The following NAALADL2 variants were observed in gnomAD, a reference collection of about 807,000 sequenced individuals.
NAALADL2 encodes inactive N-acetylated-alpha-linked acidic dipeptidase-like protein 2.
A neutral mutation model predicts 87.2 loss-of-function variants in NAALADL2; 76 were observed. The ratio of observed to expected loss-of-function variants is 0.87; its 90% CI spans 0.72 to 1.05. NAALADL2 has a LOEUF of 1.05. NAALADL2 is among the 50% of genes least tolerant of loss of function. The pLI, the probability that NAALADL2 is intolerant of heterozygous loss-of-function variation, is 0.00. For synonymous variants in NAALADL2, 354 were observed against 331.0 expected (o/e 1.07, Z -0.75); for missense variants, 1,089 against 945.8 (o/e 1.15, Z -1.99).
chr3:174,759,546 T>A (rs928747237), intron 3 of NAALADL2, among the ~76,000 whole-genome samples: 1 of 152,186 alleles, frequency 6.6e-6, no homozygotes, highest in Non-Finnish European at 1.5e-5. Flanking sequence ...TTATTTGTAT[T>A]ATACACTTTG....
chr3:175,428,849 C>T (rs528340994), intron 5 of NAALADL2, among the ~76,000 whole-genome samples: 4 of 152,042 alleles, frequency 2.6e-5, no homozygotes, highest in East Asian at 3.9e-4. Context: ...AGTGTTTGCT[C>T]TTGTTGATTT....
chr3:175,237,165 T>C (rs1461387470), intron 3 of NAALADL2, among the ~76,000 whole-genome samples: 1 of 152,160 alleles, frequency 6.6e-6, no homozygotes, highest in Non-Finnish European at 1.5e-5. Flanking sequence ...CAAAATTCTA[T>C]AGCTTCAACC....
chr3:175,415,742 A>ATAAG (rs1173904092), intron 5 of NAALADL2, among the ~76,000 whole-genome samples: 1 of 151,990 alleles, frequency 6.6e-6, no homozygotes, highest in African/African-American at 2.4e-5. Context: ...TATTAATATT[A>ATAAG]TAAGTAACTG....
At position 174,839,246 on chromosome 3, in the gene NAALADL2, G is replaced by T. The variant is rs146241888; in HGVS notation, c.-9+101500G>T. ...CAAACAAAAACATAAAGTGGGCAAAGGGCACCCTATTCAACAAATGGTACT... is the reference window on the plus strand; with the variant it reads ...CAAACAAAAACATAAAGTGGGCAAATGGCACCCTATTCAACAAATGGTACT... On this transcript the variant is annotated intron_variant, in intron 3 of 3. Transcript: ENST00000434257. Among the ~76,000 whole-genome samples, 56 of 152,224 alleles carry T rather than the reference G, an allele frequency of 3.7e-4. 1 individual carries two copies. The highest frequency in any genetic ancestry group is 1.3e-3 in the African/African-American group (53 of 41,528).
intron 2 of NAALADL2, among the ~76,000 whole-genome samples, chr3:174,673,174 T>C (rs1257728926): frequency 6.6e-6 from 1 of 152,092 alleles, no homozygotes; most frequent in African/African-American, 2.4e-5. Context: ...ATTCAAAAGG[T>C]ATTCACTAAA....
intron 1 of NAALADL2, among the ~76,000 whole-genome samples, chr3:174,521,325 C>T (rs1277911738): frequency 3.3e-5 from 5 of 151,712 alleles, no homozygotes; most frequent in Non-Finnish European, 7.4e-5. Flanking sequence ...ATAAAATGTT[C>T]GGGGCCGAGG....
intron 4 of NAALADL2, among the ~76,000 whole-genome samples, chr3:175,280,021 T>A (rs559789517): frequency 2.3e-5 from 3 of 132,844 alleles, no homozygotes; most frequent in Non-Finnish European, 4.8e-5. Flanking sequence ...GTCTTTTCCT[T>A]TCACTCCACT....
intron 2 of NAALADL2, among the ~76,000 whole-genome samples, chr3:175,119,831 G>A (rs1725875752): frequency 6.9e-6 from 1 of 144,396 alleles, no homozygotes; most frequent in Admixed American, 7.0e-5. Flanking sequence ...ATATATATAA[G>A]ATGTATATGA....
At chr3:174,480,228 T>C (rs1261427268) in intron 1 of NAALADL2, among the ~76,000 whole-genome samples, 1 of 152,096 alleles carries the variant, frequency 6.6e-6, no homozygotes, top group Non-Finnish European at 1.5e-5. Context: ...AAAAATACAT[T>C]TGTCTGCCTG....
chr3:174,671,832 T>G (rs1468819830), intron 2 of NAALADL2, among the ~76,000 whole-genome samples: 1 of 152,030 alleles, frequency 6.6e-6, no homozygotes, highest in East Asian at 1.9e-4. Context: ...AATGAAGATT[T>G]CAGCATTTCT....
intron 9 of NAALADL2, among the ~76,000 whole-genome samples, chr3:175,535,396 A>G (rs1268666951): frequency 6.6e-6 from 1 of 152,094 alleles, no homozygotes; most frequent in Non-Finnish European, 1.5e-5. Context: ...TTAACTCTGC[A>G]TTTCTGTTTT....
chr3:175,597,491 T>C (rs1009650810), intron 10 of NAALADL2, among the ~76,000 whole-genome samples: 1 of 152,020 alleles, frequency 6.6e-6, no homozygotes, highest in African/African-American at 2.4e-5. Context: ...TTATAAATAA[T>C]TTAATATCTT....
intron 1 of NAALADL2, among the ~76,000 whole-genome samples, chr3:174,935,388 A>G (rs543896154): frequency 3.9e-5 from 6 of 152,162 alleles, no homozygotes; most frequent in Non-Finnish European, 8.8e-5. Flanking sequence ...TCTTTGATGA[A>G]AGCTGTGACC....
intron 2 of NAALADL2, among the ~76,000 whole-genome samples, chr3:174,556,944 A>G (rs936926907): frequency 1.3e-5 from 2 of 152,106 alleles, no homozygotes; most frequent in Non-Finnish European, 2.9e-5. Context: ...CGGTCTCACC[A>G]TGAATTGTTC....
At chr3:174,526,084 G>A (rs746442716) in intron 1 of NAALADL2, among the ~76,000 whole-genome samples, 4 of 152,178 alleles carry the variant, frequency 2.6e-5, no homozygotes, top group African/African-American at 7.2e-5. Context: ...CTGACTTACA[G>A]CATTTGTTGA....
At chr3:175,638,326 A>G (rs1302415405) in intron 11 of NAALADL2, among the ~76,000 whole-genome samples, 1 of 152,186 alleles carries the variant, frequency 6.6e-6, no homozygotes, top group African/African-American at 2.4e-5. Context: ...TTCAGAGAAG[A>G]TTCAGACTTC....
At chr3:174,515,509 C>T (rs146377219) in intron 1 of NAALADL2, among the ~76,000 whole-genome samples, 5 of 152,110 alleles carry the variant, frequency 3.3e-5, no homozygotes, top group African/African-American at 9.6e-5. Flanking sequence ...CTACTTAGCA[C>T]ATTTTACAGG....
chr3:175,784,227 TAGGG>T (rs1245469745), intron 13 of NAALADL2, among the ~76,000 whole-genome samples: 1 of 149,868 alleles, frequency 6.7e-6, no homozygotes, highest in African/African-American at 2.4e-5. Context: ...TAAAATGAGT[TAGGG>T]AGGATTCCCT....
chr3:175,691,862 G>A (rs1023783029), intron 11 of NAALADL2, among the ~76,000 whole-genome samples: 1 of 152,014 alleles, frequency 6.6e-6, no homozygotes, highest in Admixed American at 6.6e-5. Context: ...TCTTATTTGT[G>A]CTCTGAAACA....
Sources: gnomAD v4.1 joint callset for allele counts (sites outside exome capture counted in the v4.1 genomes callset) on GRCh38, gnomAD v4.1.1 for gene constraint, MANE v1.5 for transcripts, NCBI Gene and HGNC (gene_info 2026-07-23, HGNC 2026-07-21) for gene names.